Variants in CHRM3 observed in about 807,000 individuals in gnomAD.
The protein encoded by CHRM3 is muscarinic acetylcholine receptor M3.
A neutral mutation model predicts 41.8 loss-of-function variants in CHRM3; 11 were observed. The ratio of observed to expected loss-of-function variants is 0.26; its 90% CI spans 0.17 to 0.44. The LOEUF (loss-of-function observed/expected upper bound fraction) is 0.44. Among genes scored for constraint, CHRM3 ranks in the 20% least tolerant of loss-of-function variants. CHRM3 has a pLI of 1.00. For missense variants in CHRM3, 571 were observed against 745.4 expected, an observed-to-expected ratio of 0.77 and a Z score of 2.72; for synonymous variants, 297 against 301.4, an observed-to-expected ratio of 0.99 and a Z score of 0.15.
At chr1:239,612,237 T>C (rs1340845985) in intron 3 of CHRM3, among the ~76,000 whole-genome samples, 1 of 152,214 alleles carries the variant, frequency 6.6e-6, no homozygotes, top group African/African-American at 2.4e-5. Flanking sequence ...TGTGCCATAC[T>C]TTTAATTTTT....
chr1:239,523,771 G>A (rs1345804893), intron 2 of CHRM3, among the ~76,000 whole-genome samples: 1 of 152,090 alleles, frequency 6.6e-6, no homozygotes, highest in African/African-American at 2.4e-5. Context: ...GACGTGATAA[G>A]ATATACAAAC....
At chr1:239,794,466 A>T (rs1669607929) in intron 5 of CHRM3, among the ~76,000 whole-genome samples, 3 of 151,310 alleles carry the variant, frequency 2.0e-5, no homozygotes, top group Admixed American at 2.0e-4. Flanking sequence ...TCATTGTATA[A>T]CTCAAATGGA....
intron 5 of CHRM3, among the ~76,000 whole-genome samples, chr1:239,724,720 C>G (rs779848844): frequency 6.6e-6 from 1 of 151,914 alleles, no homozygotes; most frequent in African/African-American, 2.4e-5. Flanking sequence ...TCATCTTCCT[C>G]CCCGTGATCC....
intron 3 of CHRM3, among the ~76,000 whole-genome samples, chr1:239,616,325 C>T (rs923229001): frequency 5.9e-5 from 9 of 152,106 alleles, no homozygotes; most frequent in Non-Finnish European, 1.2e-4. Flanking sequence ...TTGTGTTTTG[C>T]TGAACATAAC....
At chr1:239,473,593 TATA>T (rs1332818430) in intron 1 of CHRM3, among the ~76,000 whole-genome samples, 2 of 152,132 alleles carry the variant, frequency 1.3e-5, no homozygotes, top group Non-Finnish European at 2.9e-5. Flanking sequence ...ATGGCAACAT[TATA>T]ATAATTTTAT....
chr1:239,694,357 C>A (rs1360445956), intron 5 of CHRM3, among the ~76,000 whole-genome samples: 4 of 152,182 alleles, frequency 2.6e-5, no homozygotes, highest in Admixed American at 2.6e-4. Context: ...GTCACAGGTT[C>A]TAGGGAGCTC....
At chr1:239,398,511 T>C (rs1659690511) in intron 1 of CHRM3, among the ~76,000 whole-genome samples, 1 of 152,162 alleles carries the variant, frequency 6.6e-6, no homozygotes, top group Admixed American at 6.5e-5. Flanking sequence ...GTGCTGGGAT[T>C]ACAGGCATGA....
intron 5 of CHRM3, among the ~76,000 whole-genome samples, chr1:239,809,142 C>T (rs1274623773): frequency 6.6e-6 from 1 of 151,098 alleles, no homozygotes; most frequent in Non-Finnish European, 1.5e-5. Flanking sequence ...GCCTCAGCCT[C>T]CCGAGTAGCT....
chr1:239,618,717 A>T (rs571573776), intron 3 of CHRM3, among the ~76,000 whole-genome samples: 1 of 149,016 alleles, frequency 6.7e-6, no homozygotes, highest in Admixed American at 6.7e-5. Flanking sequence ...GGTGGCAGCC[A>T]CCTGTAGTCC....
At chr1:239,527,737 T>A (rs1670090740) in intron 2 of CHRM3, among the ~76,000 whole-genome samples, 1 of 152,208 alleles carries the variant, frequency 6.6e-6, no homozygotes, top group Admixed American at 6.5e-5. Flanking sequence ...CGGTTTAAGC[T>A]CTGTAAGCCT....
intron 5 of CHRM3, chr1:239,826,845 C>A (rs1257091115): frequency 1.3e-5 from 2 of 152,176 alleles, no homozygotes; most frequent in Non-Finnish European, 2.9e-5. Context: ...AATAATATTT[C>A]TTTCCAGGCC....
chr1:239,819,323 C>T (rs1671846576), intron 5 of CHRM3, among the ~76,000 whole-genome samples: 1 of 152,112 alleles, frequency 6.6e-6, no homozygotes, highest in African/African-American at 2.4e-5. Flanking sequence ...TTCATTCATG[C>T]ACTTGAAGGG....
intron 5 of CHRM3, chr1:239,707,007 T>A (rs574390926): frequency 2.9e-4 from 44 of 152,330 alleles, no homozygotes; most frequent in African/African-American, 9.6e-4. Context: ...AGGCAATGTA[T>A]GGTAGTAGAA....
At chr1:239,506,563 A>G (rs1668584790) in intron 2 of CHRM3, among the ~76,000 whole-genome samples, 1 of 152,196 alleles carries the variant, frequency 6.6e-6, no homozygotes, top group Non-Finnish European at 1.5e-5. Context: ...AGTTTACTGC[A>G]GGGGTGGTGC....
At chr1:239,676,185 G>A (rs1387689738) in intron 4 of CHRM3, among the ~76,000 whole-genome samples, 3 of 152,162 alleles carry the variant, frequency 2.0e-5, no homozygotes, top group Non-Finnish European at 4.4e-5. Context: ...AGTTACTAAA[G>A]TACTAAGGAT....
chr1:239,533,113 T>C (rs960255823), intron 2 of CHRM3, among the ~76,000 whole-genome samples: 3 of 152,058 alleles, frequency 2.0e-5, no homozygotes, highest in African/African-American at 7.2e-5. Context: ...AAACATTCTG[T>C]CCCTTCTTTT....
chr1:239,634,100 C>G (rs928433629), intron 4 of CHRM3, among the ~76,000 whole-genome samples: 5 of 152,170 alleles, frequency 3.3e-5, no homozygotes, highest in African/African-American at 1.2e-4. Flanking sequence ...GAGATTCGAA[C>G]TTGGACCTGT....
At chr1:239,588,213 C>T (rs72756791) in intron 3 of CHRM3, among the ~76,000 whole-genome samples, 236 of 152,284 alleles carry the variant, frequency 1.5e-3, no homozygotes, top group Non-Finnish European at 3.1e-3. Context: ...AGTGAGTAGA[C>T]GAGTCTAGGG....
chr1:239,731,158 G>T (rs1663930077), intron 5 of CHRM3, among the ~76,000 whole-genome samples: 1 of 151,942 alleles, frequency 6.6e-6, no homozygotes, highest in Non-Finnish European at 1.5e-5. Context: ...AGCTTTAAAG[G>T]CTGTGGACTG....
Sources: allele counts gnomAD v4.1 joint callset (sites outside exome capture counted in the v4.1 genomes callset), GRCh38; gene constraint gnomAD v4.1.1; transcripts MANE v1.5; gene names NCBI Gene and HGNC (gene_info 2026-07-23, HGNC 2026-07-21).